SUPT3H: variants seen among roughly 807,000 people sequenced by gnomAD.
SUPT3H encodes the protein transcription initiation protein SPT3 homolog.
SUPT3H carries 44 observed loss-of-function variants against 44.3 expected under a neutral mutation model. The ratio of observed to expected loss-of-function variants is 0.99; its 90% CI spans 0.78 to 1.28. SUPT3H has a LOEUF of 1.28. SUPT3H is among the 50% of genes most tolerant of loss of function. The probability of loss-of-function intolerance (pLI) is 0.00; values close to 1 mark genes in which losing one functional copy is unlikely to be tolerated. For synonymous variants in SUPT3H, 124 were observed against 125.6 expected (o/e 0.99, Z 0.09); for missense variants, 380 against 387.1 (o/e 0.98, Z 0.15).
At chr6:45,177,980 G>T (rs1416469063) in intron 2 of SUPT3H, among the ~76,000 whole-genome samples, 1 of 152,146 alleles carries the variant, frequency 6.6e-6, no homozygotes, top group Non-Finnish European at 1.5e-5. Flanking sequence ...AAAATGTAAA[G>T]ACCATGGGGA....
At chr6:45,094,280 G>C (rs569954454) in intron 3 of SUPT3H, among the ~76,000 whole-genome samples, 55 of 151,866 alleles carry the variant, frequency 3.6e-4, no homozygotes, top group Middle Eastern at 3.4e-3. Flanking sequence ...GACCAGCAGA[G>C]AAAAAAAGGA....
chr6:45,330,813 C>G (rs532536785), intron 2 of SUPT3H, among the ~76,000 whole-genome samples: 1 of 151,906 alleles, frequency 6.6e-6, no homozygotes, highest in South Asian at 2.1e-4. Flanking sequence ...ATCTTGAAGC[C>G]TGAATAGAGA....
chr6:45,214,015 CAAAAA>C (rs11418358), intron 2 of SUPT3H, among the ~76,000 whole-genome samples: 1 of 74,120 alleles, frequency 1.3e-5, no homozygotes, highest in Non-Finnish European at 2.4e-5. Context: ...TTTTGAAATG[CAAAAA>C]AAAAAAAAAA....
chr6:45,065,599 T>C (rs1583344645), intron 3 of SUPT3H, among the ~76,000 whole-genome samples: 2 of 150,848 alleles, frequency 1.3e-5, no homozygotes, highest in East Asian at 1.9e-4. Flanking sequence ...AAGAATCAAA[T>C]AGACACAATA....
chr6:44,929,374 G>A (rs1156393678), intron 10 of SUPT3H, among the ~76,000 whole-genome samples: 2 of 151,906 alleles, frequency 1.3e-5, no homozygotes, highest in African/African-American at 2.4e-5. Flanking sequence ...ATTGGTAAAT[G>A]GATATATATA....
At chr6:44,970,658 T>C (rs1379313291) in intron 6 of SUPT3H, among the ~76,000 whole-genome samples, 1 of 152,218 alleles carries the variant, frequency 6.6e-6, no homozygotes, top group African/African-American at 2.4e-5. Flanking sequence ...TTCAGGCATT[T>C]TGAATAACAT....
At chr6:45,080,575 C>T (rs776304486) in intron 3 of SUPT3H, among the ~76,000 whole-genome samples, 43 of 151,442 alleles carry the variant, frequency 2.8e-4, no homozygotes, top group Non-Finnish European at 5.4e-4. Context: ...GTGGCATATA[C>T]GCAATGAAGT....
chr6:45,113,827 C>CAAAAAAAAAAA (rs374606230), intron 2 of SUPT3H, among the ~76,000 whole-genome samples: 12 of 112,750 alleles, frequency 1.1e-4, no homozygotes, highest in African/African-American at 3.8e-4. Context: ...AAGACTCCAT[C>CAAAAAAAAAAA]AAAAAAAAAA....
intron 2 of SUPT3H, among the ~76,000 whole-genome samples, chr6:45,319,465 A>G (rs1003968922): frequency 1.3e-5 from 2 of 152,190 alleles, no homozygotes; most frequent in African/African-American, 4.8e-5. Flanking sequence ...AATAATTTGA[A>G]CTGTAAGCTG....
intron 2 of SUPT3H, among the ~76,000 whole-genome samples, chr6:45,246,180 AT>A (rs1483734539): frequency 2.0e-5 from 3 of 152,096 alleles, no homozygotes; most frequent in Non-Finnish European, 4.4e-5. Flanking sequence ...TTAACCCCTT[AT>A]CAGACATATG....
At chr6:45,169,579 A>G (rs925056273) in intron 2 of SUPT3H, among the ~76,000 whole-genome samples, 1 of 152,176 alleles carries the variant, frequency 6.6e-6, no homozygotes. Context: ...CCTATTGTAA[A>G]CTTGCTTCCA....
intron 9 of SUPT3H, among the ~76,000 whole-genome samples, chr6:44,942,764 A>G (rs1582651660): frequency 1.3e-5 from 2 of 152,158 alleles, no homozygotes; most frequent in African/African-American, 4.8e-5. Flanking sequence ...TTCTTCCTGT[A>G]TGGTATGAAA....
intron 2 of SUPT3H, among the ~76,000 whole-genome samples, chr6:45,200,466 A>T (rs1267281951): frequency 1.3e-5 from 2 of 151,552 alleles, no homozygotes; most frequent in African/African-American, 4.8e-5. Flanking sequence ...TAAAAATATT[A>T]ACAAACTTAA....
At chr6:45,332,589 C>G (rs1787735583) in intron 2 of SUPT3H, among the ~76,000 whole-genome samples, 1 of 151,752 alleles carries the variant, frequency 6.6e-6, no homozygotes, top group Non-Finnish European at 1.5e-5. Context: ...ATAGTGAAGT[C>G]ATGCAAAAGC....
At chr6:44,925,548 C>A (rs193270704) in intron 10 of SUPT3H, among the ~76,000 whole-genome samples, 3 of 152,272 alleles carry the variant, frequency 2.0e-5, no homozygotes, top group African/African-American at 7.2e-5. Context: ...AACACAGTTT[C>A]CTTTCTCTGG....
At chr6:45,203,663 G>T (rs563102472) in intron 2 of SUPT3H, among the ~76,000 whole-genome samples, 23 of 152,230 alleles carry the variant, frequency 1.5e-4, no homozygotes, top group Admixed American at 1.1e-3. Flanking sequence ...GACATGTGTT[G>T]CTGTGGTCCT....
At chr6:44,968,459 G>C (rs185931386) in intron 6 of SUPT3H, among the ~76,000 whole-genome samples, 5 of 152,208 alleles carry the variant, frequency 3.3e-5, no homozygotes, top group Non-Finnish European at 7.4e-5. Flanking sequence ...AGGATTTACT[G>C]GGATGGTTGC....
chr6:45,128,341 C>T (rs1802756386), intron 2 of SUPT3H, among the ~76,000 whole-genome samples: 1 of 150,476 alleles, frequency 6.6e-6, no homozygotes, highest in Admixed American at 6.6e-5. Flanking sequence ...CCCGTCTCTA[C>T]TAAAATACAA....
At chr6:45,082,050 G>A (rs62438867) in intron 3 of SUPT3H, among the ~76,000 whole-genome samples, 33,199 of 151,990 alleles carry the variant, frequency 0.22, 4,436 homozygotes, top group Non-Finnish European at 0.31. Flanking sequence ...TAGAGGAAAT[G>A]GATAAATTCC....
Sources: gnomAD v4.1 joint callset for allele counts (sites outside exome capture counted in the v4.1 genomes callset) on GRCh38, gnomAD v4.1.1 for gene constraint, MANE v1.5 for transcripts, NCBI Gene and HGNC (gene_info 2026-07-23, HGNC 2026-07-21) for gene names.